ANAPC1: variants seen among roughly 807,000 people sequenced by gnomAD.
ANAPC1 encodes the protein anaphase-promoting complex subunit 1.
In ANAPC1, 36 loss-of-function variants were observed where a neutral mutation model predicts 208.0. That is an observed-to-expected ratio of 0.17 (90% CI 0.13 to 0.23). ANAPC1 has a LOEUF of 0.23. Among genes scored for constraint, ANAPC1 ranks in the 10% least tolerant of loss-of-function variants. The pLI, the probability that ANAPC1 is intolerant of heterozygous loss-of-function variation, is 1.00. For missense variants in ANAPC1, 942 were observed against 2,011.6 expected, an observed-to-expected ratio of 0.47 and a Z score of 10.17; for synonymous variants, 378 against 695.2, an observed-to-expected ratio of 0.54 and a Z score of 7.18.
At chr2:111,878,765 T>A in intron 3 of ANAPC1, 45 bp downstream of exon 3, 1 of 1,599,142 alleles carries the variant, frequency 6.3e-7, no homozygotes, top group Non-Finnish European at 8.5e-7. Context: ...TTTTTTTTAA[T>A]TGCATTAAAT....
intron 16 of ANAPC1, 44 bp from the exon 17 acceptor site, chr2:111,843,643 C>T (rs1287437098): frequency 1.3e-6 from 2 of 1,493,634 alleles, no homozygotes; most frequent in East Asian, 2.3e-5. Context: ...ACTCTGCATG[C>T]ATTTCTTTTC....
In ANAPC1 at chr2:111,856,694, A is replaced by C. The variant is rs1381808864; in HGVS notation, c.1450-15T>G. The C allele has an allele frequency of 6.2e-7, 1 of 1,613,752 alleles. No individual in the cohort carries two copies. The highest frequency in any genetic ancestry group is 2.2e-5 in the East Asian group (1 of 44,860). ...GTGTCTATTTTCTAAAAAAACAAAA[A>C]AGACAAAAAATTTATTTCCCAATCT... On this transcript the variant is annotated splice_polypyrimidine_tract_variant and intron_variant, in intron 12 of 47. Coordinates refer to ENST00000341068, the MANE Select transcript of ANAPC1 (RefSeq NM_022662.4).
At chr2:111,845,181 T>C (rs1680988834) in intron 16 of ANAPC1, among the ~76,000 whole-genome samples, 1 of 152,152 alleles carries the variant, frequency 6.6e-6, no homozygotes, top group Non-Finnish European at 1.5e-5. Context: ...ACATCAATTA[T>C]AGCACTACAC....
rs530154057 is a variant in ANAPC1, at chr2:111,884,157, T to G, written c.-240A>C. ...CAGGAAGGCGTGCGAGACGTTCAAA[T>G]GGACGCGTCCATCTTGACTTTCCCG... On this transcript the variant is annotated 5_prime_UTR_variant, in exon 1 of 48. Coordinates refer to ENST00000341068, the MANE Select transcript of ANAPC1 (RefSeq NM_022662.4). The G allele has an allele frequency of 6.6e-6, 1 of 152,276 alleles. No individual in the cohort carries two copies. Among genetic ancestry groups the G allele is most frequent in the African/African-American group, 2.4e-5 (1 of 41,466 alleles). The allele number at this position is 152,276 out of a possible 1,614,324, so 9.4% of individuals were successfully genotyped here. A position where few individuals can be genotyped will look rare whatever the true frequency, so the allele number is the denominator to read the frequency against.
At chr2:111,795,111 T>C (rs1678091492) in intron 34 of ANAPC1, 13 of 371,138 alleles carry the variant, frequency 3.5e-5, no homozygotes, top group South Asian at 3.4e-4. Flanking sequence ...AGGGCAGGCA[T>C]GGTGGCTCAC....
In ANAPC1 at chr2:111,825,161, T is replaced by C; in HGVS notation, c.2711A>G (p.Gln904Arg). Reference sequence around the variant, plus strand: ...TTCCTCTTGTTCTACTTGCAACTTCTGGGGGGCTAAAAGGCAACAAAATGA... The same window carrying C: ...TTCCTCTTGTTCTACTTGCAACTTCCGGGGGGCTAAAAGGCAACAAAATGA... ...QYLTRITIAP[Q>R]KLQVEQEENR... The change falls in exon 23 of 48, where the codon CAG (glutamine) becomes CGG (arginine). Residue 904 changes from glutamine to arginine, a missense_variant. Gln to Arg is a conservative substitution (Grantham distance 43, BLOSUM62 1). Coordinates refer to ENST00000341068, the MANE Select transcript of ANAPC1 (RefSeq NM_022662.4). 1 of 1,612,280 alleles carries C rather than the reference T, an allele frequency of 6.2e-7. No individual in the cohort carries two copies. The highest frequency in any genetic ancestry group is 2.2e-5 in the East Asian group (1 of 44,828).
chr2:111,883,906 G>A (rs1470844940), intron 1 of ANAPC1, 36 bp downstream of exon 1: 1 of 152,294 alleles, frequency 6.6e-6, no homozygotes, highest in Non-Finnish European at 1.5e-5. Context: ...CGCGGCGCGC[G>A]ACAGACCACC....
intron 13 of ANAPC1, among the ~76,000 whole-genome samples, chr2:111,852,937 G>A (rs1191692960): frequency 2.0e-5 from 3 of 151,964 alleles, no homozygotes; most frequent in Non-Finnish European, 2.9e-5. Context: ...GCAGTGAGCT[G>A]TGATCCCACC....
chr2:111,872,463 T>C (rs985158830), intron 6 of ANAPC1, among the ~76,000 whole-genome samples, 167 bp downstream of exon 6: 18 of 152,174 alleles, frequency 1.2e-4, no homozygotes, highest in Non-Finnish European at 2.2e-4. Flanking sequence ...GAATTTCAGA[T>C]TTTTGGATCA....
intron 43 of ANAPC1, among the ~76,000 whole-genome samples, chr2:111,781,706 A>C (rs1396800290): frequency 3.3e-5 from 5 of 152,236 alleles, no homozygotes; most frequent in African/African-American, 1.2e-4. Context: ...AGGAAACTGA[A>C]GTTAAATTCA....
chr2:111,863,616 T>A, intron 9 of ANAPC1, 59 bp downstream of exon 9: 4 of 1,522,900 alleles, frequency 2.6e-6, no homozygotes, highest in Non-Finnish European at 2.7e-6. Context: ...CAACAGAAAT[T>A]CTAAATCCTT....
intron 11 of ANAPC1, chr2:111,857,157 A>G: frequency 2.5e-6 from 1 of 395,254 alleles, no homozygotes; most frequent in South Asian, 2.9e-5. Flanking sequence ...ACATCTACAT[A>G]TGTGAAAAAA....
chr2:111,870,771 G>A (rs531479219), intron 6 of ANAPC1, among the ~76,000 whole-genome samples: 2 of 152,170 alleles, frequency 1.3e-5, no homozygotes, highest in South Asian at 4.1e-4. Context: ...CCTTGCCTAG[G>A]CCAATGTCCA....
At chr2:111,880,224 T>C (rs114374674) in intron 2 of ANAPC1, among the ~76,000 whole-genome samples, 3,047 of 151,560 alleles carry the variant, frequency 0.02, 41 homozygotes, top group Non-Finnish European at 0.028. Context: ...AAATACAAAA[T>C]TAGTAGGGGT....
At chr2:111,878,426 C>T (rs1683126683) in intron 3 of ANAPC1, among the ~76,000 whole-genome samples, 3 of 152,144 alleles carry the variant, frequency 2.0e-5, no homozygotes, top group Non-Finnish European at 4.4e-5. Flanking sequence ...TTTTTCCTTT[C>T]TCTCTACCAT....
intron 45 of ANAPC1, 140 bp downstream of exon 45, chr2:111,778,535 A>C: frequency 1.7e-6 from 1 of 585,558 alleles, no homozygotes; most frequent in Non-Finnish European, 2.9e-6. Context: ...CAAATTTTAT[A>C]TGGTTTCCTT....
chr2:111,842,262 G>A (rs1045687919), intron 17 of ANAPC1, among the ~76,000 whole-genome samples: 14 of 152,024 alleles, frequency 9.2e-5, no homozygotes, highest in African/African-American at 2.7e-4. Flanking sequence ...TATTTAGAGT[G>A]GTTATCTCTA....
intron 24 of ANAPC1, among the ~76,000 whole-genome samples, chr2:111,823,550 T>C (rs1296540948): frequency 6.6e-6 from 1 of 151,526 alleles, no homozygotes; most frequent in East Asian, 1.9e-4. Context: ...CTATCATCAA[T>C]AGAATGGGTA....
chr2:111,883,748 G>C (rs1056023931), intron 1 of ANAPC1, among the ~76,000 whole-genome samples, 194 bp downstream of exon 1: 1 of 152,170 alleles, frequency 6.6e-6, no homozygotes, highest in Admixed American at 6.5e-5. Flanking sequence ...GAGCCGGAAG[G>C]AGCACCCCAG....
Sources: allele counts gnomAD v4.1 joint callset (sites outside exome capture counted in the v4.1 genomes callset), GRCh38; gene constraint gnomAD v4.1.1; transcripts MANE v1.5; gene names NCBI Gene and HGNC (gene_info 2026-07-23, HGNC 2026-07-21).